MACROD2: variants seen among roughly 807,000 people sequenced by gnomAD.
The protein encoded by MACROD2 is mono-ADP ribosylhydrolase 2.
A neutral mutation model predicts 70.4 loss-of-function variants in MACROD2; 36 were observed. The observed-to-expected ratio is 0.51, with a 90% CI of 0.39 to 0.68. The LOEUF is 0.68. Among genes scored for constraint, MACROD2 ranks in the 30% least tolerant of loss-of-function variants. The probability of loss-of-function intolerance (pLI) is 0.00; values close to 1 mark genes in which losing one functional copy is unlikely to be tolerated. For missense variants in MACROD2, 496 were observed against 538.4 expected (o/e 0.92, Z 0.78); for synonymous variants, 172 against 178.8 (o/e 0.96, Z 0.30).
Position 14,554,986 on chromosome 20 carries a change from G to T in MACROD2, c.301+61478G>T, listed in dbSNP as rs193060912. On this transcript the variant is annotated intron_variant, in intron 4 of 17. Transcript: ENST00000684519. Reference sequence around the variant, plus strand: ...CTTCAAATATATAGGTTAGAGGTAGGGGGTAGGGATGGTTAGTGGTATAAA... The same window carrying T: ...CTTCAAATATATAGGTTAGAGGTAGTGGGTAGGGATGGTTAGTGGTATAAA... 3.4e-3 allele frequency among the ~76,000 whole-genome samples: 512 copies of T among 150,964 alleles called. 3 individuals carry two copies. The highest frequency in any genetic ancestry group is 0.011 in the African/African-American group (460 of 41,070).
chr20:15,887,186 G>A (rs1054646352), intron 10 of MACROD2, among the ~76,000 whole-genome samples: 2 of 152,206 alleles, frequency 1.3e-5, no homozygotes, highest in African/African-American at 4.8e-5. Flanking sequence ...TCTATGTTAA[G>A]TTATATCTCT....
At chr20:15,082,031 A>AG (rs989648753) in intron 5 of MACROD2, among the ~76,000 whole-genome samples, 4 of 152,220 alleles carry the variant, frequency 2.6e-5, no homozygotes, top group African/African-American at 9.6e-5. Flanking sequence ...GGCAGGAGCC[A>AG]GGCTACTGGT....
chr20:14,958,166 C>T (rs1241128881), intron 5 of MACROD2, among the ~76,000 whole-genome samples: 5 of 152,118 alleles, frequency 3.3e-5, no homozygotes, highest in South Asian at 2.1e-4. Flanking sequence ...TATGTATTAC[C>T]TTCTGTATTT....
chr20:15,805,265 T>G (rs1455647316), intron 8 of MACROD2, among the ~76,000 whole-genome samples: 1 of 152,092 alleles, frequency 6.6e-6, no homozygotes, highest in East Asian at 1.9e-4. Context: ...GTAGAACCAC[T>G]GTAGGCTTCT....
intron 4 of MACROD2, among the ~76,000 whole-genome samples, chr20:14,541,951 T>C (rs1232716938): frequency 6.6e-6 from 1 of 152,194 alleles, no homozygotes; most frequent in Admixed American, 6.5e-5. Flanking sequence ...AACTACAGAA[T>C]GTAATCTGGG....
chr20:15,645,986 A>G (rs1167225393), intron 8 of MACROD2, among the ~76,000 whole-genome samples: 2 of 152,176 alleles, frequency 1.3e-5, no homozygotes, highest in Non-Finnish European at 2.9e-5. Context: ...GCAAATATCA[A>G]AAGAATGACT....
At chr20:15,460,881 TAA>T (rs905426168) in intron 7 of MACROD2, among the ~76,000 whole-genome samples, 7 of 150,472 alleles carry the variant, frequency 4.7e-5, no homozygotes, top group Non-Finnish European at 1.0e-4. Flanking sequence ...AGAGAAAACC[TAA>T]GTGTGATGGA....
intron 8 of MACROD2, among the ~76,000 whole-genome samples, chr20:15,795,669 T>C (rs887250461): frequency 6.6e-6 from 1 of 152,218 alleles, no homozygotes; most frequent in Non-Finnish European, 1.5e-5. Flanking sequence ...GTGTGGCTTG[T>C]CTTGGGAGTC....
chr20:14,804,099 T>C (rs1218061607), intron 5 of MACROD2, among the ~76,000 whole-genome samples: 2 of 152,088 alleles, frequency 1.3e-5, no homozygotes, highest in African/African-American at 2.4e-5. Flanking sequence ...ATGTGTGGTT[T>C]TCCATTTAAT....
intron 5 of MACROD2, among the ~76,000 whole-genome samples, chr20:15,134,316 G>C (rs1401525744): frequency 6.6e-6 from 1 of 151,070 alleles, no homozygotes; most frequent in African/African-American, 2.4e-5. Context: ...GAGGTCAGGA[G>C]ATAAAGCTCT....
chr20:14,681,024 A>G (rs191458470), intron 4 of MACROD2, among the ~76,000 whole-genome samples: 1 of 152,316 alleles, frequency 6.6e-6, no homozygotes, highest in African/African-American at 2.4e-5. Flanking sequence ...ATGAATGGCC[A>G]GTATACATTT....
intron 12 of MACROD2, among the ~76,000 whole-genome samples, chr20:15,955,428 A>G (rs1301261995): frequency 6.6e-6 from 1 of 152,092 alleles, no homozygotes; most frequent in African/African-American, 2.4e-5. Context: ...TCATCCTCCA[A>G]TTCCTTCTCA....
At chr20:15,940,877 C>T (rs1261297307) in intron 12 of MACROD2, among the ~76,000 whole-genome samples, 1 of 152,062 alleles carries the variant, frequency 6.6e-6, no homozygotes, top group Non-Finnish European at 1.5e-5. Flanking sequence ...TTTGGACATA[C>T]CAATCATTTA....
chr20:14,219,442 C>A (rs1452700199), intron 3 of MACROD2, among the ~76,000 whole-genome samples: 5 of 151,854 alleles, frequency 3.3e-5, no homozygotes, highest in African/African-American at 1.2e-4. Context: ...CTTCTTGTAT[C>A]ATATTTTGGA....
chr20:14,180,891 G>A (rs964192763), intron 3 of MACROD2, among the ~76,000 whole-genome samples: 11 of 152,080 alleles, frequency 7.2e-5, no homozygotes, highest in Admixed American at 6.5e-4. Flanking sequence ...TTATAAATAT[G>A]TATTATAAAG....
At chr20:14,714,161 G>A (rs1223619084) in intron 5 of MACROD2, among the ~76,000 whole-genome samples, 2 of 152,062 alleles carry the variant, frequency 1.3e-5, no homozygotes, top group Admixed American at 6.6e-5. Context: ...TGTTGCCATG[G>A]GTACGTGGAA....
At position 15,131,860 on chromosome 20, in the gene MACROD2, T is replaced by C. The variant is rs147809028; in HGVS notation, c.419-98080T>C. ...TAAGAAGTTGATTGCATTTGTTATA[T>C]CAATGAATATGAATGTTTAGTACTT... On this transcript the variant is annotated intron_variant, in intron 5 of 17. Coordinates refer to ENST00000684519, the MANE Select transcript of MACROD2 (RefSeq NM_001351661.2). Among the ~76,000 whole-genome samples, 230 of 152,132 alleles carry C rather than the reference T, an allele frequency of 1.5e-3. 2 individuals are homozygous for C. Among genetic ancestry groups the C allele is most frequent in the Non-Finnish European group, 1.8e-3 (122 of 67,916 alleles).
intron 5 of MACROD2, among the ~76,000 whole-genome samples, chr20:15,187,875 T>A (rs1349003551): frequency 6.6e-6 from 1 of 152,188 alleles, no homozygotes; most frequent in Non-Finnish European, 1.5e-5. Context: ...GGTTCATTTT[T>A]AAAAATTGTT....
intron 8 of MACROD2, among the ~76,000 whole-genome samples, chr20:15,846,001 C>T (rs751058039): frequency 3.3e-5 from 5 of 152,158 alleles, no homozygotes; most frequent in Admixed American, 1.3e-4. Flanking sequence ...AGGTTTTCCA[C>T]GTGGACTGGA....
Sources: allele counts gnomAD v4.1 joint callset (sites outside exome capture counted in the v4.1 genomes callset), GRCh38; gene constraint gnomAD v4.1.1; transcripts MANE v1.5; gene names NCBI Gene and HGNC (gene_info 2026-07-23, HGNC 2026-07-21).